The following CLCN7 variants were observed in gnomAD, a reference collection of about 807,000 sequenced individuals.
CLCN7 encodes the protein H(+)/Cl(-) exchange transporter 7.
In CLCN7, 60 loss-of-function variants were observed where a neutral mutation model predicts 102.1. The ratio of observed to expected loss-of-function variants is 0.59; its 90% CI spans 0.48 to 0.73. The LOEUF is 0.73. Ranked by LOEUF, CLCN7 falls within the 30% of genes least tolerant of loss-of-function variation. CLCN7 has a pLI of 0.00. For synonymous variants in CLCN7, 560 were observed against 490.5 expected (o/e 1.14, Z -1.87); for missense variants, 962 against 1,125.7 (o/e 0.85, Z 2.08).
chr16:1,457,190 C>G lies in CLCN7; in HGVS notation c.822+64G>C. 2.8e-6 allele frequency: 4 copies of G among 1,446,852 alleles called. No homozygotes were observed. In the South Asian group the frequency reaches 4.6e-5, roughly 17 times the overall value. 89.6% of individuals were successfully genotyped at this position (1,446,852 alleles called of 1,614,324 possible). On this transcript the variant is annotated intron_variant, in intron 9 of 24. Coordinates refer to ENST00000382745, the MANE Select transcript of CLCN7 (RefSeq NM_001287.6). This position sits in a 1 kb window ranked among gnomAD's most constrained non-coding sequence, Gnocchi z 5.4. ...GGGGTGCTGAGGGAAGCCCATCTCC[C>G]TGAGTGGTGCCCGTGCCCGTGCCCA...
chr16:1,456,326 A>C (rs1296638432), intron 9 of CLCN7, 120 bp from the exon 10 acceptor site: 1 of 751,130 alleles, frequency 1.3e-6, no homozygotes, highest in Non-Finnish European at 2.3e-6. Context: ...CAACCGAGTC[A>C]GCAGCTCTGA....
intron 2 of CLCN7, among the ~76,000 whole-genome samples, chr16:1,463,245 G>A (rs182341692): frequency 1.1e-4 from 17 of 152,242 alleles, no homozygotes; most frequent in African/African-American, 3.4e-4. Flanking sequence ...AGGAAAAAAC[G>A]GGTCAGTCGT....
At position 1,448,379 on chromosome 16, in the gene CLCN7, C is replaced by T. The variant is rs780980632; in HGVS notation, c.1989G>A (p.Val663=). Residue 663 remains valine, a synonymous_variant, in exon 21 of 25, where the codon GTG becomes GTA. Transcript: ENST00000382745. ...CCTGGGTGTCATCGGCATGCTCCAC[C>T]ACGGGGAAGCCGTTGTGATTGGACG... is the stretch of plus-strand genomic sequence containing the variant. ...DTASNHNGFP[V]VEHADDTQPA... is the part of the protein sequence containing the mutation. The T allele has an allele frequency of 6.2e-7, 1 of 1,612,648 alleles. No individual in the cohort carries two copies. The highest frequency in any genetic ancestry group is 1.1e-5 in the South Asian group (1 of 91,094).
chr16:1,474,049 A>T (rs938106844), intron 1 of CLCN7: 14 of 435,466 alleles, frequency 3.2e-5, no homozygotes, highest in Non-Finnish European at 6.4e-5. Flanking sequence ...GCGCCATTGC[A>T]CTCCAGCCTG....
Position 1,457,248 on chromosome 16 carries a change from A to G in CLCN7, c.822+6T>C. 6.2e-7 allele frequency: 1 copy of G among 1,613,518 alleles called. No individual in the cohort carries two copies. Among genetic ancestry groups the G allele is most frequent in the Non-Finnish European group, 8.5e-7 (1 of 1,179,724 alleles). On this transcript the variant is annotated splice_donor_region_variant and intron_variant, in intron 9 of 24. Coordinates refer to ENST00000382745, the MANE Select transcript of CLCN7 (RefSeq NM_001287.6). The surrounding 1 kb of genome is among the most constrained non-coding windows in gnomAD (Gnocchi z 5.4). ...TGGAGCCCACCCACACAAGATTTCA[A>G]CTCACCTTGAAATCTCGTTTCAGTG...
At chr16:1,454,236 T>C (rs1388749311) in intron 13 of CLCN7, among the ~76,000 whole-genome samples, 175 bp downstream of exon 13, 1 of 152,248 alleles carries the variant, frequency 6.6e-6, no homozygotes, top group Non-Finnish European at 1.5e-5. Flanking sequence ...AAGCGAAGCT[T>C]TGGGCTCCCC....
rs1269736033 is a variant in CLCN7 at position 1,445,922 on chromosome 16, A to G, written c.*709T>C. 1.4e-5 allele frequency: 3 copies of G among 222,178 alleles called. No homozygotes were observed. The highest frequency in any genetic ancestry group is 2.6e-5 in the Non-Finnish European group (3 of 113,530). 13.8% of individuals were successfully genotyped at this position (222,178 alleles called of 1,614,324 possible). On this transcript the variant is annotated 3_prime_UTR_variant, in exon 25 of 25. Transcript: ENST00000382745. The stretch of plus-strand genomic sequence containing the variant: ...TTGGGGGACCAAGGCAGGGCTGGGC[A>G]TGGGGCTCAGGGCCTTGGAGGTTTT...
intron 2 of CLCN7, among the ~76,000 whole-genome samples, chr16:1,463,862 C>A (rs987556721): frequency 2.0e-5 from 3 of 152,080 alleles, no homozygotes; most frequent in African/African-American, 4.8e-5. Flanking sequence ...GAAACCTCCA[C>A]CTCCTGGGCT....
intron 1 of CLCN7, among the ~76,000 whole-genome samples, chr16:1,473,856 CG>C (rs2039113300): frequency 6.6e-6 from 1 of 151,864 alleles, no homozygotes; most frequent in Admixed American, 6.6e-5. Flanking sequence ...GGCTGAGGTG[CG>C]GGGGATCACG....
intron 7 of CLCN7, among the ~76,000 whole-genome samples, chr16:1,458,834 A>T (rs1158018237): frequency 6.6e-6 from 1 of 152,234 alleles, no homozygotes; most frequent in Non-Finnish European, 1.5e-5. Context: ...ACAGTCACAG[A>T]CGCGTCGCAC....
chr16:1,467,219 A>G (rs2039017435), intron 1 of CLCN7, among the ~76,000 whole-genome samples: 1 of 152,196 alleles, frequency 6.6e-6, no homozygotes, highest in Admixed American at 6.5e-5. Context: ...ACAGACTCGC[A>G]GGTGTCTGCC....
chr16:1,470,820 G>C lies in CLCN7; in HGVS notation c.141+4014C>G, dbSNP rs1406273772. Among the ~76,000 whole-genome samples the C allele has an allele frequency of 2.0e-5, 3 of 151,944 alleles. No homozygotes were observed. In the East Asian group the frequency reaches 5.8e-4, roughly 29 times the overall value. On this transcript the variant is annotated intron_variant, in intron 1 of 24. Transcript: ENST00000382745. ...GTCTGTGGCTCCGGGTGCCCAGGCA[G>C]GACACAGTCCCACACTAACCCAGAC...
In CLCN7 at chr16:1,448,734, A is replaced by T; in HGVS notation, c.1830T>A (p.Ser610Arg). 2 of 1,612,484 alleles carry T rather than the reference A, an allele frequency of 1.2e-6. No individual in the cohort carries two copies. Among genetic ancestry groups the T allele is most frequent in the Non-Finnish European group, 1.7e-6 (2 of 1,179,942 alleles). The change falls in exon 20 of 25, where the codon AGT becomes AGA. Residue 610 changes from serine (S) to arginine (R), a missense_variant. Transcript: ENST00000382745. The stretch of plus-strand genomic sequence containing the variant: ...GGGCCTCCCAGTGCAGGAAGGGCAC[A>T]CTCTGCAGCTGAATGTGCATGTCGT... ...GLYDMHIQLQ[S>R]VPFLHWEAPV...
At chr16:1,460,676 C>T in intron 5 of CLCN7, 140 bp downstream of exon 5, 1 of 1,390,298 alleles carries the variant, frequency 7.2e-7, no homozygotes, top group Non-Finnish European at 1.0e-6. Flanking sequence ...TCTCACGGCC[C>T]AACCATGACA....
chr16:1,474,718 G>C, intron 1 of CLCN7, 116 bp downstream of exon 1: 6 of 935,174 alleles, frequency 6.4e-6, no homozygotes, highest in Non-Finnish European at 8.2e-6. Flanking sequence ...CGAGTCCACC[G>C]CGCCTCGGTC....
intron 1 of CLCN7, among the ~76,000 whole-genome samples, chr16:1,467,998 G>A (rs948589782): frequency 1.3e-5 from 2 of 152,144 alleles, no homozygotes; most frequent in Non-Finnish European, 2.9e-5. Flanking sequence ...CAAGAGGATC[G>A]CTTGAGCCTG....
Position 1,447,723 on chromosome 16 carries a change from C to G in CLCN7, c.2014-9G>C, listed in dbSNP as rs778996394. 28 of 1,550,730 alleles carry G rather than the reference C, an allele frequency of 1.8e-5. No homozygotes were observed. Among genetic ancestry groups the G allele is most frequent in the Non-Finnish European group, 2.3e-5 (26 of 1,147,374 alleles). ...CCCTGGAGCCGGGCAGGCTGCAAGA[C>G]AGGCCCGCGGTCAGGGCCACGGGCC... On this transcript the variant is annotated splice_polypyrimidine_tract_variant and intron_variant, in intron 21 of 24. Transcript: ENST00000382745.
At position 1,460,913 on chromosome 16, in the gene CLCN7, G is replaced by T. The variant is rs1245613157; in HGVS notation, c.387C>A (p.Ile129=). 6.2e-7 allele frequency: 1 copy of T among 1,613,800 alleles called. No homozygotes were observed. Among genetic ancestry groups the T allele is most frequent in the East Asian group, 2.2e-5 (1 of 44,892 alleles). ...FRTVEIKRWV[I]CALIGILTGL... The stretch of plus-strand genomic sequence containing the variant: ...CCGTGAGGATCCCAATGAGGGCGCA[G>T]ATGACCCAGCGCTTGATCTCCACCG... Residue 129 remains isoleucine, a synonymous_variant, in exon 5 of 25, where the codon ATC becomes ATA. Coordinates refer to ENST00000382745, the MANE Select transcript of CLCN7 (RefSeq NM_001287.6).
At chr16:1,451,529 G>A (rs2038750652) in intron 16 of CLCN7, 94 bp downstream of exon 16, 1 of 1,058,634 alleles carries the variant, frequency 9.4e-7, no homozygotes, top group African/African-American at 1.6e-5. Context: ...CCCCAGCCCA[G>A]GGCTGCAACC....
Sources: allele counts gnomAD v4.1 joint callset (sites outside exome capture counted in the v4.1 genomes callset), GRCh38; gene constraint gnomAD v4.1.1; non-coding constraint Gnocchi (gnomAD v3.1); transcripts MANE v1.5; gene names NCBI Gene and HGNC (gene_info 2026-07-23, HGNC 2026-07-21).